Variants in PPP2R2B observed in about 807,000 individuals in gnomAD.
The protein encoded by PPP2R2B is serine/threonine-protein phosphatase 2A 55 kDa regulatory subunit B beta isoform.
In PPP2R2B, 5 loss-of-function variants were observed where a neutral mutation model predicts 46.0. The observed-to-expected ratio is 0.11, with a 90% confidence interval of 0.06 to 0.23. PPP2R2B has a LOEUF of 0.23. PPP2R2B is among the 10% of genes least tolerant of loss of function. The pLI, the probability that PPP2R2B is intolerant of heterozygous loss-of-function variation, is 1.00. For missense variants in PPP2R2B, 367 were observed against 575.0 expected (o/e 0.64, Z 3.70); for synonymous variants, 215 against 206.7 (o/e 1.04, Z -0.34).
chr5:147,009,932 T>A (rs1197595645), intron 1 of PPP2R2B, among the ~76,000 whole-genome samples: 1 of 151,398 alleles, frequency 6.6e-6, no homozygotes, highest in Non-Finnish European at 1.5e-5. Context: ...AATTTAAGCA[T>A]TTTTTATACT....
At chr5:146,785,312 C>T (rs767672745) in intron 2 of PPP2R2B, among the ~76,000 whole-genome samples, 2 of 152,166 alleles carry the variant, frequency 1.3e-5, no homozygotes, top group Admixed American at 6.5e-5. Flanking sequence ...TCTAGGAGGC[C>T]GAGGCAGGCA....
intron 1 of PPP2R2B, among the ~76,000 whole-genome samples, chr5:146,920,921 C>A (rs1352858903): frequency 2.0e-5 from 3 of 152,180 alleles, no homozygotes; most frequent in Non-Finnish European, 4.4e-5. Context: ...ACCACCAAAA[C>A]CTCTTTGGAG....
chr5:146,600,014 G>T (rs926730943), intron 8 of PPP2R2B, among the ~76,000 whole-genome samples: 2 of 152,192 alleles, frequency 1.3e-5, no homozygotes, highest in Non-Finnish European at 1.5e-5. Flanking sequence ...TTTTCCACCA[G>T]ATGGTAAGCT....
intron 6 of PPP2R2B, among the ~76,000 whole-genome samples, chr5:146,643,855 A>C (rs1775392918): frequency 6.6e-6 from 1 of 152,270 alleles, no homozygotes; most frequent in African/African-American, 2.4e-5. Flanking sequence ...GTGTGAGTCC[A>C]TATCCTAAAC....
Position 146,775,303 on chromosome 5 carries a change from G to A in PPP2R2B, c.71-74161C>T, listed in dbSNP as rs74869864. 2.0e-3 allele frequency among the ~76,000 whole-genome samples: 300 copies of A among 152,230 alleles called. 1 individual carries two copies. The highest frequency in any genetic ancestry group is 7.0e-3 in the African/African-American group (292 of 41,536). ...AAAGGATTATACACCCTGAGCAAGTGAAATTTATCCCAGGATTGCAAAAGT... is the reference window on the plus strand; with the variant it reads ...AAAGGATTATACACCCTGAGCAAGTAAAATTTATCCCAGGATTGCAAAAGT... On this transcript the variant is annotated intron_variant, in intron 2 of 9. Transcript: ENST00000394411.
At chr5:146,973,717 A>G (rs956707671) in intron 1 of PPP2R2B, among the ~76,000 whole-genome samples, 8 of 152,220 alleles carry the variant, frequency 5.3e-5, no homozygotes, top group African/African-American at 1.9e-4. Context: ...GCACATTGAC[A>G]ACAGAGGTAA....
rs116126872 is a variant in PPP2R2B at position 146,668,029 on chromosome 5, T to G, written c.448-17305A>C. On this transcript the variant is annotated intron_variant, in intron 5 of 9. Transcript: ENST00000394411. ...CACATCCACACCTTTTCCTAGGATA[T>G]TCCTTTGTTCACCTCACTTCTATCC... Among the ~76,000 whole-genome samples the G allele has an allele frequency of 2.4e-3, 371 of 152,296 alleles. 4 individuals carry two copies. The highest frequency in any genetic ancestry group is 8.4e-3 in the African/African-American group (350 of 41,590).
At chr5:147,073,557 A>C (rs1383090331) in intron 2 of PPP2R2B, among the ~76,000 whole-genome samples, 1 of 152,012 alleles carries the variant, frequency 6.6e-6, no homozygotes, top group Non-Finnish European at 1.5e-5. Context: ...GAAGGTTTTC[A>C]CTCCCTTCAG....
rs563180939 is a variant in PPP2R2B at position 146,801,998 on chromosome 5, A to G, written c.70+76004T>C. On this transcript the variant is annotated intron_variant, in intron 2 of 9. Transcript: ENST00000394411. Reference sequence around the variant, plus strand: ...TGGGGTAATTCTGTTTTTATTGTGAACAGACAAAAGCTGTGTCCTCGGCTG... The same window carrying G: ...TGGGGTAATTCTGTTTTTATTGTGAGCAGACAAAAGCTGTGTCCTCGGCTG... Among the ~76,000 whole-genome samples the G allele has an allele frequency of 6.6e-5, 10 of 152,262 alleles. No individual in the cohort carries two copies. In the East Asian group the frequency reaches 1.7e-3, roughly 26 times the overall value.
chr5:146,749,626 T>TTC (rs1561877268), intron 2 of PPP2R2B, among the ~76,000 whole-genome samples: 2 of 147,550 alleles, frequency 1.4e-5, no homozygotes, highest in African/African-American at 5.1e-5. Flanking sequence ...TTTTTTTTTT[T>TTC]CGAGATGGAG....
At chr5:146,889,129 T>C (rs1181619789) in intron 1 of PPP2R2B, among the ~76,000 whole-genome samples, 1 of 152,228 alleles carries the variant, frequency 6.6e-6, no homozygotes, top group Non-Finnish European at 1.5e-5. Context: ...AGTGAATATG[T>C]GTTTGCTCAA....
chr5:146,728,798 A>T (rs1288217648), intron 2 of PPP2R2B, among the ~76,000 whole-genome samples: 1 of 152,152 alleles, frequency 6.6e-6, no homozygotes, highest in Non-Finnish European at 1.5e-5. Context: ...ACCAAGTAAG[A>T]AGTGCTTTTT....
At chr5:146,687,154 T>C (rs191299356) in intron 5 of PPP2R2B, among the ~76,000 whole-genome samples, 2 of 152,102 alleles carry the variant, frequency 1.3e-5, no homozygotes, top group Non-Finnish European at 2.9e-5. Context: ...CCTGGAATAA[T>C]AATGGCACTA....
Position 146,703,930 on chromosome 5 carries a change from A to C in PPP2R2B, c.71-2788T>G, listed in dbSNP as rs576615435. On this transcript the variant is annotated intron_variant, in intron 2 of 9. Transcript: ENST00000394411. ...TTCTGAAATTCCTTAGCCCTCTTGCAGAGTCCTTACCTTTATTTTAATTCT... is the reference window on the plus strand; with the variant it reads ...TTCTGAAATTCCTTAGCCCTCTTGCCGAGTCCTTACCTTTATTTTAATTCT... Among the ~76,000 whole-genome samples the C allele has an allele frequency of 7.2e-5, 11 of 152,352 alleles. No homozygotes were observed. The South Asian group carries it at 1.9e-3, about 26-fold the overall frequency.
At chr5:147,000,961 G>T (rs561660096) in intron 1 of PPP2R2B, among the ~76,000 whole-genome samples, 4 of 152,236 alleles carry the variant, frequency 2.6e-5, no homozygotes, top group Non-Finnish European at 5.9e-5. Context: ...TTTGTCCCTG[G>T]TGGGTTTGCA....
intron 2 of PPP2R2B, among the ~76,000 whole-genome samples, chr5:146,704,033 G>T: frequency 6.6e-6 from 1 of 152,148 alleles, no homozygotes; most frequent in South Asian, 2.1e-4. Flanking sequence ...AGCCGTGGCA[G>T]CTCAAGTTAA....
At chr5:146,712,118 T>C (rs992423258) in intron 2 of PPP2R2B, among the ~76,000 whole-genome samples, 2 of 152,214 alleles carry the variant, frequency 1.3e-5, no homozygotes, top group Non-Finnish European at 2.9e-5. Flanking sequence ...AAAATAAATA[T>C]GTTGCTAATA....
intron 2 of PPP2R2B, among the ~76,000 whole-genome samples, chr5:146,850,142 T>C (rs1013155140): frequency 6.6e-6 from 1 of 152,050 alleles, no homozygotes; most frequent in African/African-American, 2.4e-5. Flanking sequence ...TTTGAAGAGG[T>C]CTATATTATA....
intron 1 of PPP2R2B, among the ~76,000 whole-genome samples, chr5:146,886,134 C>G (rs1230445779): frequency 6.6e-6 from 1 of 151,956 alleles, no homozygotes; most frequent in African/African-American, 2.4e-5. Context: ...GTCAGGAGAT[C>G]GAGACCACCC....
Sources: gnomAD v4.1 joint callset for allele counts (sites outside exome capture counted in the v4.1 genomes callset) on GRCh38, gnomAD v4.1.1 for gene constraint, MANE v1.5 for transcripts, NCBI Gene and HGNC (gene_info 2026-07-23, HGNC 2026-07-21) for gene names.